BRD10: variants seen among roughly 807,000 people sequenced by gnomAD.
BRD10 encodes the protein uncharacterized bromodomain-containing protein 10.
the BRD10 span, among the ~76,000 whole-genome samples, chr9:6,001,961 T>A: frequency 6.6e-6 from 1 of 152,218 alleles, no homozygotes; most frequent in Non-Finnish European, 1.5e-5. Flanking sequence ...TAGAATTTCT[T>A]CAATTAAGGG....
chr9:5,983,962 TACACACACACACACACAC>T, the BRD10 span, among the ~76,000 whole-genome samples: 4 of 129,634 alleles, frequency 3.1e-5, no homozygotes, highest in African/African-American at 8.8e-5. Context: ...GTATATGCAT[TACACACACACACACACAC>T]ACACACACAC....
At chr9:5,923,292 C>G in the BRD10 span, 4 of 1,606,334 alleles carry the variant, frequency 2.5e-6, no homozygotes, top group Non-Finnish European at 3.4e-6. Flanking sequence ...AAATCTATTT[C>G]TGACAACTTC....
the BRD10 span, chr9:6,008,349 C>T: frequency 2.0e-6 from 2 of 984,254 alleles, no homozygotes; most frequent in African/African-American, 3.5e-5. Flanking sequence ...AGTTAGAAGC[C>T]CCGCTGGGCG....
At chr9:5,937,101 G>A in the BRD10 span, among the ~76,000 whole-genome samples, 1 of 150,918 alleles carries the variant, frequency 6.6e-6, no homozygotes. Flanking sequence ...GTGGTGGCAC[G>A]TGCCTGTAGT....
chr9:5,974,194 A>G, the BRD10 span, among the ~76,000 whole-genome samples: 1 of 152,232 alleles, frequency 6.6e-6, no homozygotes, highest in African/African-American at 2.4e-5. Flanking sequence ...ATCTATTAAT[A>G]GCAACAAAAT....
chr9:5,991,163 G>GTT, the BRD10 span, among the ~76,000 whole-genome samples: 1 of 80,022 alleles, frequency 1.2e-5, no homozygotes, highest in Non-Finnish European at 3.2e-5. Flanking sequence ...GTGCATGTGT[G>GTT]TTTTGTGTGT....
chr9:5,903,815 CTTTCT>C, the BRD10 span, among the ~76,000 whole-genome samples: 1 of 152,046 alleles, frequency 6.6e-6, no homozygotes, highest in Non-Finnish European at 1.5e-5. Flanking sequence ...GGAACTCCTA[CTTTCT>C]TTTCATTAGT....
the BRD10 span, among the ~76,000 whole-genome samples, chr9:5,951,276 TC>T: frequency 6.6e-6 from 1 of 151,528 alleles, no homozygotes; most frequent in East Asian, 1.9e-4. Context: ...AAAAACATTG[TC>T]AAACTAAAAA....
chr9:5,902,086 TA>T, the BRD10 span, among the ~76,000 whole-genome samples: 3 of 152,242 alleles, frequency 2.0e-5, no homozygotes, highest in African/African-American at 7.2e-5. Flanking sequence ...AGAATTGGTA[TA>T]ATATCTTTCT....
chr9:5,969,317 G>C, the BRD10 span: 2 of 1,613,742 alleles, frequency 1.2e-6, no homozygotes, highest in Non-Finnish European at 1.7e-6. Flanking sequence ...CCCAATAGCT[G>C]GAATTTCCCA....
the BRD10 span, among the ~76,000 whole-genome samples, chr9:5,942,604 T>C: frequency 1.1e-4 from 16 of 152,344 alleles, no homozygotes; most frequent in Middle Eastern, 3.4e-3. Context: ...AGTCTGTTCA[T>C]GTAAACAATC....
At chr9:5,952,000 C>CTTACTTATTTAT in the BRD10 span, among the ~76,000 whole-genome samples, 79 of 127,914 alleles carry the variant, frequency 6.2e-4, no homozygotes, top group Non-Finnish European at 1.1e-3. Context: ...CAGGAAGAGA[C>CTTACTTATTTAT]TTATTTATTT....
chr9:5,882,290 C>T, the BRD10 span, among the ~76,000 whole-genome samples: 1 of 152,148 alleles, frequency 6.6e-6, no homozygotes, highest in Non-Finnish European at 1.5e-5. Context: ...ATTACTCCTT[C>T]CCTGTTGCCT....
At chr9:5,918,349 T>C in the BRD10 span, among the ~76,000 whole-genome samples, 1 of 152,196 alleles carries the variant, frequency 6.6e-6, no homozygotes, top group Admixed American at 6.5e-5. Flanking sequence ...AATGGAAGGA[T>C]GAGTATACAG....
At chr9:5,946,437 C>G in the BRD10 span, among the ~76,000 whole-genome samples, 1 of 152,006 alleles carries the variant, frequency 6.6e-6, no homozygotes, top group Non-Finnish European at 1.5e-5. Flanking sequence ...TGCTGATGGT[C>G]AAGCAGTGGA....
At chr9:5,990,126 G>T in the BRD10 span, among the ~76,000 whole-genome samples, 1 of 152,162 alleles carries the variant, frequency 6.6e-6, no homozygotes, top group South Asian at 2.1e-4. Flanking sequence ...TACCATTTTA[G>T]GCTGTGATCC....
the BRD10 span, among the ~76,000 whole-genome samples, chr9:5,961,181 G>A: frequency 5.9e-5 from 9 of 152,138 alleles, no homozygotes; most frequent in Non-Finnish European, 1.3e-4. Flanking sequence ...TTATAGAATA[G>A]AGAGGAGACA....
the BRD10 span, among the ~76,000 whole-genome samples, chr9:5,994,362 C>G: frequency 6.6e-6 from 1 of 152,236 alleles, no homozygotes; most frequent in South Asian, 2.1e-4. Flanking sequence ...AGTCTGGAGA[C>G]CACTGCTCTT....
chr9:5,929,764 A>G, the BRD10 span, among the ~76,000 whole-genome samples: 5 of 152,140 alleles, frequency 3.3e-5, no homozygotes, highest in Admixed American at 2.6e-4. Flanking sequence ...ACATATATAT[A>G]TATCTAGAGA....
Sources: gnomAD v4.1 joint callset for allele counts (sites outside exome capture counted in the v4.1 genomes callset) on GRCh38, gnomAD v4.1.1 for gene constraint, MANE v1.5 for transcripts, NCBI Gene and HGNC (gene_info 2026-07-23, HGNC 2026-07-21) for gene names.